The following RRM2B variants were observed in gnomAD, a reference collection of about 807,000 sequenced individuals.
RRM2B encodes ribonucleotide reductase regulatory TP53 inducible subunit M2B.
In RRM2B, 20 loss-of-function variants were observed where a neutral mutation model predicts 45.9. That is an observed-to-expected ratio of 0.44 (90% CI 0.31 to 0.63). The LOEUF is 0.63. Ranked by LOEUF, RRM2B falls within the 30% of genes least tolerant of loss-of-function variation. RRM2B has a pLI of 0.09. For synonymous variants in RRM2B, 124 were observed against 132.3 expected (o/e 0.94, Z 0.43); for missense variants, 320 against 414.7 (o/e 0.77, Z 1.98).
intron 2 of RRM2B, among the ~76,000 whole-genome samples, chr8:102,230,639 T>A (rs1811011429): frequency 6.6e-6 from 1 of 152,306 alleles, no homozygotes; most frequent in East Asian, 1.9e-4. Context: ...ATGTCAACTA[T>A]AATATAACAA....
intron 2 of RRM2B, among the ~76,000 whole-genome samples, chr8:102,229,503 A>G (rs529669443): frequency 6.6e-6 from 1 of 152,240 alleles, no homozygotes; most frequent in Non-Finnish European, 1.5e-5. Context: ...TAAAATATGC[A>G]ACCTAAAAAT....
At chr8:102,238,437 G>T in intron 1 of RRM2B, 1 of 822,286 alleles carries the variant, frequency 1.2e-6, no homozygotes, top group South Asian at 1.7e-5. Flanking sequence ...CAAATGGTAT[G>T]CACCTCTCCA....
Position 102,231,545 on chromosome 8 carries a change from T to C in RRM2B, c.204+604A>G, listed in dbSNP as rs976014432. Among the ~76,000 whole-genome samples the C allele has an allele frequency of 7.2e-5, 11 of 152,192 alleles. 1 individual carries two copies. The highest frequency in any genetic ancestry group is 2.4e-4 in the African/African-American group (10 of 41,446). Reference sequence around the variant, plus strand: ...GTAAGACTAGTCAGACAAGTCTTACTTGGCCATATCAAACTAAAAGTCTGT... The same window carrying C: ...GTAAGACTAGTCAGACAAGTCTTACCTGGCCATATCAAACTAAAAGTCTGT... On this transcript the variant is annotated intron_variant, in intron 2 of 8. Coordinates refer to ENST00000251810, the MANE Select transcript of RRM2B (RefSeq NM_015713.5).
At chr8:102,238,704 A>AGGGC (rs1811173587) in intron 1 of RRM2B, 123 bp downstream of exon 1, 3 of 1,566,252 alleles carry the variant, frequency 1.9e-6, no homozygotes, top group Non-Finnish European at 2.6e-6. Flanking sequence ...GGCTGCGGCG[A>AGGGC]GGGCGGGCGG....
intron 2 of RRM2B, among the ~76,000 whole-genome samples, chr8:102,230,037 T>C (rs1811001696): frequency 6.6e-6 from 1 of 152,256 alleles, no homozygotes; most frequent in Admixed American, 6.5e-5. Context: ...TAGCTTTTTC[T>C]TATTTGAGCA....
In RRM2B at chr8:102,226,025, A is replaced by G. The variant is rs764631345; in HGVS notation, c.214T>C (p.Ser72Pro). The change falls in exon 3 of 9, where the codon TCA becomes CCA. Residue 72 changes from serine to proline, a missense_variant. Ser to Pro is a moderately conservative substitution (Grantham distance 74, BLOSUM62 -1). Coordinates refer to ENST00000251810, the MANE Select transcript of RRM2B (RefSeq NM_015713.5). ...TTGTTCCAGTGAGGGAGATCCTTTGATAAGTCGACCTGGAATAAAAAGATT... is the reference window on the plus strand; with the variant it reads ...TTGTTCCAGTGAGGGAGATCCTTTGGTAAGTCGACCTGGAATAAAAAGATT... ...SFWTAEEVDL[S>P]KDLPHWNKLK... 2 of 1,599,606 alleles carry G rather than the reference A, an allele frequency of 1.3e-6. No homozygotes were observed. The highest frequency in any genetic ancestry group is 2.2e-5 in the East Asian group (1 of 44,720).
At chr8:102,215,944 C>CAAAAAAAAAAAAAAAAAAAAAAAAAAA (rs60059243) in intron 6 of RRM2B, among the ~76,000 whole-genome samples, 17 of 75,688 alleles carry the variant, frequency 2.2e-4, no homozygotes, top group African/African-American at 7.0e-4. Flanking sequence ...GACCCTGTCT[C>CAAAAAAAAAAAAAAAAAAAAAAAAAAA]AAAAAAAAAA....
chr8:102,216,342 G>GA (rs898888179), intron 6 of RRM2B, among the ~76,000 whole-genome samples: 5 of 151,336 alleles, frequency 3.3e-5, no homozygotes, highest in Admixed American at 2.0e-4. Context: ...AAAAAACCAA[G>GA]AAAAAAAATG....
At chr8:102,208,405 T>C (rs1810580012) in intron 8 of RRM2B, 120 bp from the exon 9 acceptor site, 1 of 759,752 alleles carries the variant, frequency 1.3e-6, no homozygotes, top group African/African-American at 1.8e-5. Context: ...AGCTACAAGA[T>C]CATATCATTC....
At chr8:102,235,590 C>T (rs928436165) in intron 1 of RRM2B, among the ~76,000 whole-genome samples, 2 of 152,222 alleles carry the variant, frequency 1.3e-5, no homozygotes, top group African/African-American at 4.8e-5. Flanking sequence ...CCTGTAATCC[C>T]AGCACTTTCG....
chr8:102,225,981 C>A lies in RRM2B; in HGVS notation c.258G>T (p.Lys86Asn), dbSNP rs536874925. 8 of 1,612,864 alleles carry A rather than the reference C, an allele frequency of 5.0e-6. No homozygotes were observed. In the Admixed American group the frequency reaches 5.0e-5, roughly 10 times the overall value. Residue 86 changes from lysine to asparagine, a missense_variant, in exon 3 of 9, where the codon AAG becomes AAT. Lys to Asn is a moderately conservative substitution (Grantham distance 94). This residue lies in a region of RRM2B where 225 missense variants were observed against 289.4 expected (regional missense o/e 0.78). Coordinates refer to ENST00000251810, the MANE Select transcript of RRM2B (RefSeq NM_015713.5). ...AGGCTAAGATGTGAGAGATGAAGTA[C>A]TTCTCATCTGCTTTAAGCTTGTTCC... ...PHWNKLKADE[K>N]YFISHILAFF...
chr8:102,210,704 C>A (rs1810620912), intron 8 of RRM2B, among the ~76,000 whole-genome samples: 1 of 152,144 alleles, frequency 6.6e-6, no homozygotes, highest in Non-Finnish European at 1.5e-5. Flanking sequence ...CTCAGGTGAT[C>A]CACCTGCCTC....
chr8:102,208,276 C>T lies in RRM2B; in HGVS notation c.913G>A (p.Ala305Thr), dbSNP rs201440849. The T allele has an allele frequency of 1.9e-6, 3 of 1,545,748 alleles. No individual in the cohort carries two copies. The highest frequency in any genetic ancestry group is 2.7e-5 in the African/African-American group (2 of 73,272). Residue 305 changes from alanine (A) to threonine (T), a missense_variant, in exon 9 of 9, where the codon GCA becomes ACA. Coordinates refer to ENST00000251810, the MANE Select transcript of RRM2B (RefSeq NM_015713.5). ...TCCATAAAATCAAAAGGATTTTCTG[C>T]CTGAAAAACCTAAAAAGGAAAGAAA... is the stretch of plus-strand genomic sequence containing the variant. ...VELGFSKVFQ[A>T]ENPFDFMENI... is the part of the protein sequence containing the mutation.
intron 2 of RRM2B, among the ~76,000 whole-genome samples, chr8:102,228,813 G>A (rs928274145): frequency 1.1e-4 from 17 of 152,218 alleles, no homozygotes; most frequent in African/African-American, 1.2e-4. Flanking sequence ...TCCAGCATGC[G>A]CATTCCAGTT....
chr8:102,228,244 A>G (rs892772642), intron 2 of RRM2B, among the ~76,000 whole-genome samples: 1 of 152,188 alleles, frequency 6.6e-6, no homozygotes, highest in Non-Finnish European at 1.5e-5. Context: ...ACAGCTTGAC[A>G]GCATTCCTTT....
chr8:102,208,368 G>T, intron 8 of RRM2B, 83 bp from the exon 9 acceptor site: 1 of 1,020,016 alleles, frequency 9.8e-7, no homozygotes, highest in Non-Finnish European at 1.5e-6. Flanking sequence ...CAAAACAGAG[G>T]TCAGGTTTCT....
intron 2 of RRM2B, among the ~76,000 whole-genome samples, chr8:102,227,258 C>T (rs113944347): frequency 4.3e-4 from 65 of 152,140 alleles, no homozygotes; most frequent in African/African-American, 1.4e-3. Flanking sequence ...TTAAGGGAGA[C>T]GTACTTTAGA....
intron 6 of RRM2B, among the ~76,000 whole-genome samples, chr8:102,215,045 TAAAAAAAAAAAA>T (rs3063793): frequency 3.2e-5 from 2 of 61,778 alleles, no homozygotes; most frequent in Non-Finnish European, 6.0e-5. Flanking sequence ...AGCTAAATAT[TAAAAAAAAAAAA>T]AAAAAAAAAA....
At chr8:102,237,422 A>G (rs750369815) in intron 1 of RRM2B, among the ~76,000 whole-genome samples, 1 of 152,328 alleles carries the variant, frequency 6.6e-6, no homozygotes, top group Non-Finnish European at 1.5e-5. Context: ...GCAGATCTCA[A>G]GAGATTTTGA....
Sources: gnomAD v4.1 joint callset for allele counts (sites outside exome capture counted in the v4.1 genomes callset) on GRCh38, gnomAD v4.1.1 for gene constraint, gnomAD v4.1.1 regional missense constraint, MANE v1.5 for transcripts, NCBI Gene and HGNC (gene_info 2026-07-23, HGNC 2026-07-21) for gene names.